PDE4D: variants seen among roughly 807,000 people sequenced by gnomAD.
PDE4D encodes the protein 3',5'-cyclic-AMP phosphodiesterase 4D.
A neutral mutation model predicts 87.4 loss-of-function variants in PDE4D; 24 were observed. That is an observed-to-expected ratio of 0.27 (90% confidence interval 0.20 to 0.39). The LOEUF is 0.39. PDE4D is among the 10% of genes least tolerant of loss of function. PDE4D has a pLI of 1.00. For missense variants in PDE4D, 714 were observed against 1,041.0 expected (o/e 0.69, Z 4.32); for synonymous variants, 384 against 383.2 (o/e 1.00, Z -0.02).
At chr5:60,205,697 C>A (rs1742429486) in intron 1 of PDE4D, among the ~76,000 whole-genome samples, 1 of 150,122 alleles carries the variant, frequency 6.7e-6, no homozygotes, top group Non-Finnish European at 1.5e-5. Context: ...ACCAACCTGA[C>A]CAATATGGTG....
At chr5:59,708,058 A>T (rs996844469) in intron 1 of PDE4D, among the ~76,000 whole-genome samples, 4 of 152,132 alleles carry the variant, frequency 2.6e-5, no homozygotes, top group Non-Finnish European at 5.9e-5. Flanking sequence ...TGGTTGAACT[A>T]ATTTACATTC....
intron 5 of PDE4D, among the ~76,000 whole-genome samples, chr5:59,076,142 A>G (rs138343793): frequency 6.6e-6 from 1 of 152,206 alleles, no homozygotes; most frequent in Non-Finnish European, 1.5e-5. Context: ...GCATTGAACA[A>G]TGTGAATAAA....
At chr5:59,105,421 T>C (rs755220623) in intron 5 of PDE4D, among the ~76,000 whole-genome samples, 5 of 151,846 alleles carry the variant, frequency 3.3e-5, no homozygotes, top group African/African-American at 1.2e-4. Context: ...AAACAAGGAG[T>C]AGAGGTTGTA....
At chr5:60,426,729 A>G (rs1743755009) in intron 1 of PDE4D, among the ~76,000 whole-genome samples, 1 of 152,208 alleles carries the variant, frequency 6.6e-6, no homozygotes, top group Non-Finnish European at 1.5e-5. Context: ...AGCAGTAAAT[A>G]CAAACAAATC....
At chr5:60,156,052 A>G (rs9784622) in intron 2 of PDE4D, among the ~76,000 whole-genome samples, 4,703 of 152,216 alleles carry the variant, frequency 0.031, 243 homozygotes, top group African/African-American at 0.11. Flanking sequence ...AAATGTGTCT[A>G]ACAATCCAAG....
intron 5 of PDE4D, among the ~76,000 whole-genome samples, chr5:59,137,426 T>C (rs1280993292): frequency 6.6e-6 from 1 of 151,966 alleles, no homozygotes; most frequent in Non-Finnish European, 1.5e-5. Context: ...CTTCATGGTA[T>C]AGATAGGAAA....
chr5:59,010,890 C>A (rs1580270523), intron 6 of PDE4D, among the ~76,000 whole-genome samples: 1 of 152,182 alleles, frequency 6.6e-6, no homozygotes, highest in East Asian at 1.9e-4. Flanking sequence ...AGGCACCTCC[C>A]AGTAGGGGCC....
At chr5:59,519,285 A>C (rs1481633989) in intron 1 of PDE4D, among the ~76,000 whole-genome samples, 1 of 152,238 alleles carries the variant, frequency 6.6e-6, no homozygotes, top group African/African-American at 2.4e-5. Flanking sequence ...GCAGTCAATA[A>C]ACAGATAACA....
intron 1 of PDE4D, among the ~76,000 whole-genome samples, chr5:60,499,350 T>C (rs1749962183): frequency 6.6e-6 from 1 of 152,216 alleles, no homozygotes; most frequent in Non-Finnish European, 1.5e-5. Flanking sequence ...AAGGAACAGC[T>C]TATTTCTAGA....
chr5:59,158,962 G>C (rs1780626308), intron 5 of PDE4D, among the ~76,000 whole-genome samples: 4 of 152,204 alleles, frequency 2.6e-5, no homozygotes, highest in Admixed American at 2.6e-4. Context: ...CAATCCTAAA[G>C]CTCTGGAGTA....
intron 1 of PDE4D, among the ~76,000 whole-genome samples, chr5:60,435,925 A>G (rs954641265): frequency 6.6e-6 from 1 of 152,092 alleles, no homozygotes; most frequent in African/African-American, 2.4e-5. Context: ...AATTTTTCAG[A>G]GCCTCCAGGG....
At chr5:60,421,701 G>A (rs1343859315) in intron 1 of PDE4D, among the ~76,000 whole-genome samples, 1 of 152,182 alleles carries the variant, frequency 6.6e-6, no homozygotes, top group Non-Finnish European at 1.5e-5. Context: ...ACTTTGACAA[G>A]TTGACAGAAG....
At chr5:60,196,545 C>T (rs879427282) in intron 1 of PDE4D, among the ~76,000 whole-genome samples, 6 of 151,656 alleles carry the variant, frequency 4.0e-5, no homozygotes, top group South Asian at 2.1e-4. Flanking sequence ...AGAGCAGTTT[C>T]GTCCTGTGAA....
At chr5:59,402,260 T>C (rs974732462) in intron 1 of PDE4D, among the ~76,000 whole-genome samples, 3 of 152,232 alleles carry the variant, frequency 2.0e-5, no homozygotes, top group Non-Finnish European at 4.4e-5. Flanking sequence ...TTATTTTCCA[T>C]AAGTATCCTG....
chr5:60,041,650 T>A (rs1262161898), intron 2 of PDE4D, among the ~76,000 whole-genome samples: 1 of 152,140 alleles, frequency 6.6e-6, no homozygotes, highest in Non-Finnish European at 1.5e-5. Flanking sequence ...GACCACGGCG[T>A]GTGAGCTGAA....
In PDE4D at chr5:59,372,881, G is replaced by C. The variant is rs930451700; in HGVS notation, c.456-156913C>G. 3.4e-4 allele frequency among the ~76,000 whole-genome samples: 51 copies of C among 152,130 alleles called. 1 individual carries two copies. Among genetic ancestry groups the C allele is most frequent in the African/African-American group, 1.2e-3 (50 of 41,406 alleles). ...GTTTGGGCCTCATACAAGTCCCCCAGAGTTAGTGCACACAGTCCAGAAGTT... is the reference window on the plus strand; with the variant it reads ...GTTTGGGCCTCATACAAGTCCCCCACAGTTAGTGCACACAGTCCAGAAGTT... On this transcript the variant is annotated intron_variant, in intron 1 of 14. Coordinates refer to ENST00000340635, the MANE Select transcript of PDE4D (RefSeq NM_001104631.2).
chr5:59,211,276 T>C (rs1288470284), intron 2 of PDE4D, among the ~76,000 whole-genome samples: 1 of 152,202 alleles, frequency 6.6e-6, no homozygotes, highest in African/African-American at 2.4e-5. Context: ...TTTAACAAAT[T>C]GTGTGACGGT....
chr5:59,935,435 A>T (rs1756461401), intron 3 of PDE4D, among the ~76,000 whole-genome samples: 2 of 152,200 alleles, frequency 1.3e-5, no homozygotes, highest in Non-Finnish European at 2.9e-5. Flanking sequence ...CTCATTTGAT[A>T]AAAAAGGGGT....
chr5:59,081,213 G>A (rs1256239221), intron 5 of PDE4D, among the ~76,000 whole-genome samples: 1 of 152,004 alleles, frequency 6.6e-6, no homozygotes, highest in African/African-American at 2.4e-5. Flanking sequence ...CATCAAAATG[G>A]ATAGTGTGGG....
Sources: gnomAD v4.1 joint callset for allele counts (sites outside exome capture counted in the v4.1 genomes callset) on GRCh38, gnomAD v4.1.1 for gene constraint, MANE v1.5 for transcripts, NCBI Gene and HGNC (gene_info 2026-07-23, HGNC 2026-07-21) for gene names.